Variants in CYRIB observed in about 807,000 individuals in gnomAD.
CYRIB encodes CYFIP-related Rac1 interactor B.
A neutral mutation model predicts 44.2 loss-of-function variants in CYRIB; 8 were observed. That is an observed-to-expected ratio of 0.18 (90% CI 0.11 to 0.33). The LOEUF (loss-of-function observed/expected upper bound fraction) is 0.33. CYRIB is among the 10% of genes least tolerant of loss of function. The pLI is 1.00. For missense variants in CYRIB, 185 were observed against 382.8 expected (o/e 0.48, Z 4.31); for synonymous variants, 131 against 127.2 (o/e 1.03, Z -0.20).
intron 10 of CYRIB, 55 bp downstream of exon 12, chr8:129,849,188 T>C (rs1349797718): frequency 4.0e-6 from 6 of 1,506,098 alleles, no homozygotes; most frequent in Non-Finnish European, 5.3e-6. Context: ...AATAAAATCC[T>C]ATGGTTTCCA....
intron 2 of CYRIB, among the ~76,000 whole-genome samples, chr8:129,893,821 T>A (rs968411493): frequency 4.0e-5 from 6 of 151,180 alleles, no homozygotes; most frequent in Non-Finnish European, 7.4e-5. Flanking sequence ...GCATGAGCCA[T>A]CACACTAGGC....
intron 1 of CYRIB, among the ~76,000 whole-genome samples, chr8:129,903,968 G>C (rs1224127205): frequency 2.0e-5 from 3 of 152,086 alleles, no homozygotes; most frequent in Non-Finnish European, 4.4e-5. Flanking sequence ...GCTCAGGCTG[G>C]TCTCCAATTC....
At chr8:129,863,508 G>C (rs1463944614) in intron 4 of CYRIB, among the ~76,000 whole-genome samples, 1 of 150,564 alleles carries the variant, frequency 6.6e-6, no homozygotes, top group South Asian at 2.1e-4. Flanking sequence ...CTGGGTGATA[G>C]AGCGAGACTC....
At chr8:129,872,901 C>A (rs773842298) in intron 3 of CYRIB, among the ~76,000 whole-genome samples, 2 of 151,956 alleles carry the variant, frequency 1.3e-5, no homozygotes, top group Non-Finnish European at 1.5e-5. Context: ...TTACTTAGAA[C>A]ATTGTAAAGA....
At chr8:129,923,995 C>G (rs78831787) in intron 1 of CYRIB, among the ~76,000 whole-genome samples, 2,162 of 150,034 alleles carry the variant, frequency 0.014, 40 homozygotes, top group African/African-American at 0.046. Flanking sequence ...TTTAGGCCAG[C>G]TGCAGTAGCT....
chr8:129,928,262 C>G (rs1226943681), intron 1 of CYRIB, among the ~76,000 whole-genome samples: 2 of 151,258 alleles, frequency 1.3e-5, no homozygotes, highest in African/African-American at 2.4e-5. Flanking sequence ...TTACTTGAGC[C>G]CTGAGTTTGA....
chr8:129,922,195 T>C (rs904583828), intron 1 of CYRIB, among the ~76,000 whole-genome samples: 1 of 152,198 alleles, frequency 6.6e-6, no homozygotes, highest in African/African-American at 2.4e-5. Flanking sequence ...ATCAATTCTG[T>C]AACCTACCTG....
intron 1 of CYRIB, among the ~76,000 whole-genome samples, chr8:129,906,862 C>T (rs1271774472): frequency 1.3e-5 from 2 of 152,202 alleles, no homozygotes; most frequent in Non-Finnish European, 2.9e-5. Context: ...CTCATCATCA[C>T]TGGCCATCAG....
chr8:129,867,235 T>C (rs545552987), intron 4 of CYRIB, among the ~76,000 whole-genome samples: 2 of 151,942 alleles, frequency 1.3e-5, no homozygotes, highest in South Asian at 4.2e-4. Context: ...GTGATTCTCT[T>C]GTCTCAGACT....
upstream of CYRIB, among the ~76,000 whole-genome samples, chr8:129,942,777 T>TC (rs956079731): frequency 2.0e-5 from 3 of 152,226 alleles, no homozygotes; most frequent in Non-Finnish European, 2.9e-5. Context: ...TGACTTGTTT[T>TC]CTTCTTTTGC....
At chr8:129,977,373 T>C (rs1457519720) in intron 1 of CYRIB, among the ~76,000 whole-genome samples, 1 of 152,150 alleles carries the variant, frequency 6.6e-6, no homozygotes, top group African/African-American at 2.4e-5. Flanking sequence ...TCCCAAAGTC[T>C]GCCATGTCAT....
chr8:129,854,359 G>A lies in CYRIB; in HGVS notation c.439-16C>T. 1.3e-6 allele frequency: 2 copies of A among 1,584,682 alleles called. No homozygotes were observed. The highest frequency in any genetic ancestry group is 1.9e-5 in the Admixed American group (1 of 53,596). On this transcript the variant is annotated splice_polypyrimidine_tract_variant and intron_variant, in intron 6 of 11. Coordinates refer to ENST00000519824, the Ensembl canonical transcript of CYRIB. ...GATTTGTCATCTGAAGAAGACAGTT[G>A]TGGAAAAAAAATGTTATGTACTAAA...
At chr8:130,012,314 C>T (rs1026121726) in intron 1 of CYRIB, among the ~76,000 whole-genome samples, 2 of 152,188 alleles carry the variant, frequency 1.3e-5, no homozygotes, top group African/African-American at 4.8e-5. Flanking sequence ...ACACAAAAGT[C>T]CACAATTGGT....
chr8:129,944,498 C>T (rs2093995832), upstream of CYRIB, among the ~76,000 whole-genome samples: 1 of 152,052 alleles, frequency 6.6e-6, no homozygotes, highest in African/African-American at 2.4e-5. Context: ...AATGCACTTG[C>T]TTTGCCGGGC....
chr8:129,856,320 T>G (rs1367381280), intron 5 of CYRIB, among the ~76,000 whole-genome samples: 1 of 152,200 alleles, frequency 6.6e-6, no homozygotes, highest in Non-Finnish European at 1.5e-5. Flanking sequence ...ATATAAATAT[T>G]CTAATTCATT....
chr8:129,847,576 AG>A (rs1414317711), intron 10 of CYRIB, among the ~76,000 whole-genome samples: 12 of 152,252 alleles, frequency 7.9e-5, no homozygotes, highest in Admixed American at 7.8e-4. Context: ...GAGGACAGAT[AG>A]GAATTTTTCA....
chr8:130,012,883 G>A (rs902848346), intron 1 of CYRIB, among the ~76,000 whole-genome samples: 1 of 152,194 alleles, frequency 6.6e-6, no homozygotes, highest in Non-Finnish European at 1.5e-5. Context: ...AATTGCCAAA[G>A]TTCTACTGAA....
At chr8:129,864,355 G>T (rs2052096942) in intron 4 of CYRIB, 1 of 152,196 alleles carries the variant, frequency 6.6e-6, no homozygotes, top group South Asian at 2.1e-4. Context: ...AAAATCCTTT[G>T]GCCGCAGGCC....
At chr8:129,940,079 T>C (rs1415379414), upstream of CYRIB, among the ~76,000 whole-genome samples, 1 of 152,004 alleles carries the variant, frequency 6.6e-6, no homozygotes, top group Non-Finnish European at 1.5e-5. Flanking sequence ...CCTTCGCAAA[T>C]ATCGCGCCGA....
Sources: gnomAD v4.1 joint callset for allele counts (sites outside exome capture counted in the v4.1 genomes callset) on GRCh38, gnomAD v4.1.1 for gene constraint, MANE v1.5 for transcripts, NCBI Gene and HGNC (gene_info 2026-07-23, HGNC 2026-07-21) for gene names.